The following SUSD5 variants were observed in gnomAD, a reference collection of about 807,000 sequenced individuals.
SUSD5 encodes sushi domain containing 5.
In SUSD5, 33 loss-of-function variants were observed where a neutral mutation model predicts 29.5. The ratio of observed to expected loss-of-function variants is 1.12; its 90% CI spans 0.85 to 1.49. The LOEUF (loss-of-function observed/expected upper bound fraction) is 1.49, where lower values mean the gene tolerates loss of function less well. SUSD5 is among the 40% of genes most tolerant of loss of function. The pLI is 0.00. For synonymous variants in SUSD5, 308 were observed against 325.3 expected (o/e 0.95, Z 0.57); for missense variants, 776 against 800.6 (o/e 0.97, Z 0.37).
intron 3 of SUSD5, among the ~76,000 whole-genome samples, chr3:33,186,766 A>G (rs981685924): frequency 6.6e-6 from 1 of 152,088 alleles, no homozygotes; most frequent in Non-Finnish European, 1.5e-5. Context: ...ATATCCTTTT[A>G]TATGAGAGAG....
rs2030958296 is a variant in SUSD5 at position 33,153,259 on chromosome 3, T to C, written c.1373A>G (p.Glu458Gly). Residue 458 changes from glutamate (E) to glycine (G), a missense_variant, in exon 5 of 5, where the codon GAG becomes GGG. By Grantham distance (98) the Glu-to-Gly change is moderately conservative. Transcript: ENST00000309558. ...ALRPVNASET[E>G]GIGDGDLTKY... Reference sequence around the variant, plus strand: ...CGTCAAGTCACCATCCCCAATGCCCTCAGTCTCGGAAGCATTCACGGGTCT... The same window carrying C: ...CGTCAAGTCACCATCCCCAATGCCCCCAGTCTCGGAAGCATTCACGGGTCT... The C allele has an allele frequency of 6.2e-7, 1 of 1,613,748 alleles. No individual in the cohort carries two copies. Among genetic ancestry groups the C allele is most frequent in the Admixed American group, 1.7e-5 (1 of 60,006 alleles).
intron 3 of SUSD5, among the ~76,000 whole-genome samples, chr3:33,198,232 G>C (rs2032033271): frequency 6.6e-6 from 1 of 152,144 alleles, no homozygotes; most frequent in Non-Finnish European, 1.5e-5. Context: ...TAGGCTAAGT[G>C]GTTCACTTGT....
At chr3:33,200,590 C>G (rs914783196) in intron 3 of SUSD5, among the ~76,000 whole-genome samples, 1 of 152,088 alleles carries the variant, frequency 6.6e-6, no homozygotes, top group Non-Finnish European at 1.5e-5. Context: ...TACCTTGCCA[C>G]GAATGGACCA....
At chr3:33,203,016 T>G (rs779268957) in intron 3 of SUSD5, among the ~76,000 whole-genome samples, 6 of 152,076 alleles carry the variant, frequency 3.9e-5, no homozygotes, top group Non-Finnish European at 5.9e-5. Context: ...AAGGCAAGCT[T>G]TGGAGGAATA....
Position 33,154,014 on chromosome 3 carries a change from A to G in SUSD5, c.618T>C (p.Ile206=). 1.3e-6 allele frequency: 2 copies of G among 1,597,576 alleles called. No homozygotes were observed. The highest frequency in any genetic ancestry group is 1.7e-4 in the Middle Eastern group (1 of 5,960). Residue 206 remains isoleucine (I), a synonymous_variant, in exon 5 of 5, where the codon ATT becomes ATC. Coordinates refer to ENST00000309558, the MANE Select transcript of SUSD5 (RefSeq NM_015551.2). The part of the protein sequence containing the change: ...ACGKDEAEAH[I]DYEDNFPDDR... ...CATCAGGGAAGTTATCTTCATAGTC[A>G]ATGTGTGCCTCAGCCTCATCTGGAA...
intron 3 of SUSD5, among the ~76,000 whole-genome samples, chr3:33,184,961 TC>T (rs1263296936): frequency 6.6e-6 from 1 of 152,242 alleles, no homozygotes; most frequent in African/African-American, 2.4e-5. Context: ...TTAGAATGCC[TC>T]GTAATTTTTG....
chr3:33,160,048 A>G (rs1332083100), intron 4 of SUSD5, among the ~76,000 whole-genome samples: 2 of 152,214 alleles, frequency 1.3e-5, no homozygotes, highest in African/African-American at 4.8e-5. Context: ...AGAATCTGAA[A>G]TGGCAAGACT....
rs1483933571 is a variant in SUSD5 at position 33,175,036 on chromosome 3, T to C, written c.448A>G (p.Ile150Val). The C allele has an allele frequency of 6.2e-7, 1 of 1,613,900 alleles. No homozygotes were observed. Among genetic ancestry groups the C allele is most frequent in the South Asian group, 1.1e-5 (1 of 91,086 alleles). ...CGDPPSFPHT[I>V]LQGRTGLEMG... The stretch of plus-strand genomic sequence containing the variant: ...TCCAAGCCGGTGCGGCCCTGCAGGA[T>C]GGTGTGTGGGAACGAAGGCGGGTCT... Residue 150 changes from isoleucine (I) to valine (V), a missense_variant, in exon 4 of 5, where the codon ATC (isoleucine) becomes GTC (valine). Physicochemically the swap from Ile to Val is conservative, Grantham distance 29 (BLOSUM62 3). Transcript: ENST00000309558.
intron 3 of SUSD5, among the ~76,000 whole-genome samples, chr3:33,195,094 C>G (rs2031970665): frequency 6.6e-6 from 1 of 152,136 alleles, no homozygotes; most frequent in Admixed American, 6.5e-5. Flanking sequence ...ACTCGGGAGG[C>G]TGAGGCAGGA....
At chr3:33,158,373 C>A (rs917489858) in intron 4 of SUSD5, among the ~76,000 whole-genome samples, 1 of 152,222 alleles carries the variant, frequency 6.6e-6, no homozygotes, top group Non-Finnish European at 1.5e-5. Context: ...CACCCTCACA[C>A]ACTGGTGAGC....
chr3:33,205,370 G>C (rs1457429750), intron 3 of SUSD5, among the ~76,000 whole-genome samples: 1 of 152,174 alleles, frequency 6.6e-6, no homozygotes, highest in Admixed American at 6.5e-5. Flanking sequence ...TTTTTAAAAA[G>C]AGTAGGATGT....
At chr3:33,170,594 C>G (rs533200675) in intron 4 of SUSD5, among the ~76,000 whole-genome samples, 1 of 152,202 alleles carries the variant, frequency 6.6e-6, no homozygotes, top group South Asian at 2.1e-4. Flanking sequence ...CTACACCATC[C>G]ACTCCCTCAC....
intron 3 of SUSD5, among the ~76,000 whole-genome samples, chr3:33,197,392 C>T (rs2032015391): frequency 6.6e-6 from 1 of 152,176 alleles, no homozygotes; most frequent in Non-Finnish European, 1.5e-5. Context: ...TCGGGAAAAA[C>T]ACAATTTTGG....
At chr3:33,187,477 C>T (rs947684252) in intron 3 of SUSD5, among the ~76,000 whole-genome samples, 3 of 152,182 alleles carry the variant, frequency 2.0e-5, no homozygotes, top group Non-Finnish European at 2.9e-5. Context: ...TATGCGTTAA[C>T]ACAACCAAGT....
At chr3:33,156,671 G>A (rs1031902539) in intron 4 of SUSD5, among the ~76,000 whole-genome samples, 14 of 152,282 alleles carry the variant, frequency 9.2e-5, no homozygotes, top group African/African-American at 3.1e-4. Context: ...AATGCACAGA[G>A]CTCCAGAGCC....
intron 3 of SUSD5, among the ~76,000 whole-genome samples, chr3:33,195,318 ATTC>A (rs1259632947): frequency 6.6e-6 from 1 of 152,176 alleles, no homozygotes; most frequent in Admixed American, 6.5e-5. Flanking sequence ...TTGTCCTATA[ATTC>A]TTCTCTGCTT....
At chr3:33,194,205 C>T (rs765139382) in intron 3 of SUSD5, among the ~76,000 whole-genome samples, 5 of 152,166 alleles carry the variant, frequency 3.3e-5, no homozygotes, top group African/African-American at 4.8e-5. Flanking sequence ...CCAATCAACT[C>T]GCACTTCTCA....
intron 2 of SUSD5, among the ~76,000 whole-genome samples, chr3:33,213,020 G>T (rs565468423): frequency 1.3e-5 from 2 of 152,138 alleles, no homozygotes; most frequent in Non-Finnish European, 2.9e-5. Flanking sequence ...TTATCTCTGA[G>T]GTGGAGAAGA....
chr3:33,204,168 T>C lies in SUSD5; in HGVS notation c.409+3640A>G, dbSNP rs1377146589. Reference sequence around the variant, plus strand: ...TCTCCAATGGTTCAAAAAAGAATTATAGATACACATATATACATATTTACA... The same window carrying C: ...TCTCCAATGGTTCAAAAAAGAATTACAGATACACATATATACATATTTACA... On this transcript the variant is annotated intron_variant, in intron 3 of 4. Transcript: ENST00000309558. This position sits in a 1 kb window ranked among gnomAD's most constrained non-coding sequence, Gnocchi z 4.5. Among the ~76,000 whole-genome samples, 1 of 152,158 alleles carries C rather than the reference T, an allele frequency of 6.6e-6. No individual in the cohort carries two copies. Among genetic ancestry groups the C allele is most frequent in the African/African-American group, 2.4e-5 (1 of 41,426 alleles).
Sources: allele counts gnomAD v4.1 joint callset (sites outside exome capture counted in the v4.1 genomes callset), GRCh38; gene constraint gnomAD v4.1.1; non-coding constraint Gnocchi (gnomAD v3.1); transcripts MANE v1.5; gene names NCBI Gene and HGNC (gene_info 2026-07-23, HGNC 2026-07-21).